Variants in AKAP19 observed in about 807,000 individuals in gnomAD.
AKAP19 encodes small A-kinase anchoring protein.
the AKAP19 span, among the ~76,000 whole-genome samples, chr2:190,177,511 A>C: frequency 1.3e-5 from 2 of 152,134 alleles, no homozygotes; most frequent in Non-Finnish European, 2.9e-5. The surrounding 1 kb of genome is among the most constrained non-coding windows in gnomAD (Gnocchi z 4.6). Flanking sequence ...AGGCCACATC[A>C]TCTCACTGCT....
At chr2:190,192,003 C>T in the AKAP19 span, among the ~76,000 whole-genome samples, 4 of 150,256 alleles carry the variant, frequency 2.7e-5, no homozygotes, top group African/African-American at 9.8e-5. Context: ...TTTCATGGTT[C>T]ATGCTTTTGG....
At chr2:190,092,265 T>C in the AKAP19 span, among the ~76,000 whole-genome samples, 2 of 152,218 alleles carry the variant, frequency 1.3e-5, no homozygotes, top group Non-Finnish European at 2.9e-5. Context: ...CTCTAAGATT[T>C]CCAGTTTATT....
chr2:190,091,547 A>AACACACACACACACACACACACAC, the AKAP19 span, among the ~76,000 whole-genome samples: 3,570 of 150,450 alleles, frequency 0.024, 66 homozygotes, highest in East Asian at 0.11. Context: ...TCTTTTGTTA[A>AACACACACACACACACACACACAC]ACACACACAC....
chr2:190,023,590 T>A, the AKAP19 span, among the ~76,000 whole-genome samples: 1 of 151,956 alleles, frequency 6.6e-6, no homozygotes, highest in Non-Finnish European at 1.5e-5. Context: ...GAAAAATATT[T>A]TCTGTTTTTA....
At chr2:190,128,408 C>T in the AKAP19 span, among the ~76,000 whole-genome samples, 3 of 152,152 alleles carry the variant, frequency 2.0e-5, no homozygotes, top group African/African-American at 7.2e-5. Context: ...ATCCACAAGG[C>T]ACAAAAGGCA....
chr2:189,959,447 G>C, the AKAP19 span, among the ~76,000 whole-genome samples: 1 of 151,982 alleles, frequency 6.6e-6, no homozygotes, highest in Non-Finnish European at 1.5e-5. Flanking sequence ...AATGTACACT[G>C]ATTTTTTTTC....
the AKAP19 span, among the ~76,000 whole-genome samples, chr2:189,939,826 CAGCAAGCTGTA>C: frequency 1.1e-4 from 16 of 152,170 alleles, no homozygotes; most frequent in African/African-American, 3.9e-4. Flanking sequence ...AGGAAAGGAT[CAGCAAGCTGTA>C]AACAGGCTAT....
At chr2:190,136,623 A>C in the AKAP19 span, among the ~76,000 whole-genome samples, 1 of 152,106 alleles carries the variant, frequency 6.6e-6, no homozygotes, top group East Asian at 1.9e-4. Context: ...GCCTTCAGCT[A>C]TTCTCCCCCA....
chr2:189,915,794 A>T, the AKAP19 span, among the ~76,000 whole-genome samples: 5 of 152,264 alleles, frequency 3.3e-5, no homozygotes, highest in Middle Eastern at 6.8e-3. Flanking sequence ...TCTTGGTTGC[A>T]AGCTGTCTAA....
the AKAP19 span, among the ~76,000 whole-genome samples, chr2:190,055,440 T>A: frequency 6.6e-6 from 1 of 151,974 alleles, no homozygotes; most frequent in Non-Finnish European, 1.5e-5. Context: ...GTAACAAACC[T>A]GCACGTTGTG....
chr2:190,144,259 AAG>A, the AKAP19 span, among the ~76,000 whole-genome samples: 1,262 of 151,176 alleles, frequency 8.3e-3, 24 homozygotes, highest in African/African-American at 0.028. Context: ...AAAAAAAAAA[AAG>A]AGTTTTTGAG....
chr2:190,027,705 A>G, the AKAP19 span, among the ~76,000 whole-genome samples: 2 of 152,196 alleles, frequency 1.3e-5, no homozygotes, highest in Admixed American at 6.5e-5. Flanking sequence ...ATAATTAGGA[A>G]CAGTTATGTG....
At chr2:190,123,203 CTT>C in the AKAP19 span, among the ~76,000 whole-genome samples, 1 of 152,018 alleles carries the variant, frequency 6.6e-6, no homozygotes. Flanking sequence ...CTGCTTGTAT[CTT>C]TTCTCATTTT....
chr2:189,919,431 TA>T, the AKAP19 span, among the ~76,000 whole-genome samples: 442 of 145,242 alleles, frequency 3.0e-3, 2 homozygotes, highest in Admixed American at 0.012. Flanking sequence ...TTCTTTATTC[TA>T]AAAAAAAAAA....
chr2:190,024,751 T>C, the AKAP19 span, among the ~76,000 whole-genome samples: 6 of 152,174 alleles, frequency 3.9e-5, no homozygotes, highest in Non-Finnish European at 5.9e-5. Flanking sequence ...TATTTGGTTC[T>C]AATCCAATAT....
the AKAP19 span, among the ~76,000 whole-genome samples, chr2:190,175,427 T>C: frequency 1.3e-5 from 2 of 152,202 alleles, no homozygotes; most frequent in African/African-American, 4.8e-5. Context: ...CAGAACTGGA[T>C]TATACATTAC....
At chr2:189,966,183 G>A in the AKAP19 span, among the ~76,000 whole-genome samples, 1 of 150,442 alleles carries the variant, frequency 6.6e-6, no homozygotes, top group Non-Finnish European at 1.5e-5. Flanking sequence ...TTGGGTACCT[G>A]GGGGGGAAAG....
the AKAP19 span, chr2:189,879,710 C>T: frequency 1.3e-5 from 2 of 152,324 alleles, no homozygotes; most frequent in Admixed American, 1.3e-4. Flanking sequence ...GAGGCTTACC[C>T]GGAATTAAGG....
the AKAP19 span, among the ~76,000 whole-genome samples, chr2:189,940,438 A>C: frequency 1.3e-5 from 2 of 150,968 alleles, no homozygotes; most frequent in African/African-American, 4.9e-5. Context: ...GGGGGGGAAA[A>C]AAAGAAAAGA....
Sources: allele counts gnomAD v4.1 joint callset (sites outside exome capture counted in the v4.1 genomes callset), GRCh38; gene constraint gnomAD v4.1.1; non-coding constraint Gnocchi (gnomAD v3.1); transcripts MANE v1.5; gene names NCBI Gene and HGNC (gene_info 2026-07-23, HGNC 2026-07-21).